The following ZNF333 variants were observed in gnomAD, a reference collection of about 807,000 sequenced individuals.
ZNF333 encodes zinc finger protein 333.
Under a neutral mutation model 76.1 loss-of-function variants are expected in ZNF333, and 61 were observed. That is an observed-to-expected ratio of 0.80 (90% CI 0.65 to 0.99). ZNF333 has a LOEUF of 0.99. ZNF333 is among the 50% of genes least tolerant of loss of function. The pLI, the probability that ZNF333 is intolerant of heterozygous loss-of-function variation, is 0.00. For synonymous variants in ZNF333, 284 were observed against 305.0 expected (o/e 0.93, Z 0.72); for missense variants, 717 against 822.4 (o/e 0.87, Z 1.57).
chr19:14,692,310 T>C (rs1412200551), intron 1 of ZNF333, among the ~76,000 whole-genome samples: 1 of 152,170 alleles, frequency 6.6e-6, no homozygotes, highest in African/African-American at 2.4e-5. Flanking sequence ...ACAAGGGGTC[T>C]AGCTGTGGAG....
At position 14,699,292 on chromosome 19, in the gene ZNF333, C is replaced by CG; in HGVS notation, c.306+15dup. 4 of 1,612,228 alleles carry CG rather than the reference C, an allele frequency of 2.5e-6. No individual in the cohort carries two copies. The highest frequency in any genetic ancestry group is 3.4e-6 in the Non-Finnish European group (4 of 1,178,560). ...AGGGACATGCAAATGGTAAGATGCA[C>CG]GGGGTTTTCCCCGGCTCCCAGCATG... On this transcript the variant is annotated intron_variant, in intron 5 of 11. Coordinates refer to ENST00000292530, the MANE Select transcript of ZNF333 (RefSeq NM_032433.4).
chr19:14,693,381 TG>T, intron 1 of ZNF333, 69 bp from the exon 2 acceptor site: 1 of 1,274,362 alleles, frequency 7.8e-7, no homozygotes, highest in Non-Finnish European at 1.1e-6. Context: ...ACCACTCTGC[TG>T]GAGATCCCCC....
Position 14,693,461 on chromosome 19 carries a change from G to A in ZNF333, c.-31G>A. On this transcript the variant is annotated 5_prime_UTR_variant, in exon 2 of 12. Transcript: ENST00000292530. ...TCTCCTTTATTGCAGGGAGAACACC[G>A]ACTGAGACCTCAAACCCTGGCTCCA... The A allele has an allele frequency of 6.3e-7, 1 of 1,598,882 alleles. No individual in the cohort carries two copies. The highest frequency in any genetic ancestry group is 1.7e-5 in the Admixed American group (1 of 59,550).
chr19:14,706,117 A>G (rs765542431), intron 6 of ZNF333: 4 of 457,368 alleles, frequency 8.7e-6, no homozygotes, highest in South Asian at 3.1e-5. Context: ...TGCTGCTGCC[A>G]TCCTGCCCAG....
intron 7 of ZNF333, 196 bp from the exon 8 acceptor site, chr19:14,715,186 C>T (rs150073608): frequency 4.8e-4 from 266 of 557,542 alleles, no homozygotes; most frequent in African/African-American, 4.2e-3. Context: ...TGTCTGTGTA[C>T]GTGTGTGCAT....
intron 2 of ZNF333, among the ~76,000 whole-genome samples, chr19:14,694,762 T>G (rs1163392487): frequency 5.9e-5 from 9 of 152,200 alleles, no homozygotes; most frequent in Non-Finnish European, 1.3e-4. Context: ...CATTTCAGCT[T>G]GGTGGCCCAT....
intron 4 of ZNF333, among the ~76,000 whole-genome samples, chr19:14,698,246 C>T (rs775876687): frequency 9.9e-5 from 15 of 151,608 alleles, no homozygotes; most frequent in East Asian, 1.9e-4. Context: ...TGGTGGTGCG[C>T]GCCTGTAATC....
At chr19:14,701,509 G>A in intron 5 of ZNF333, 3 of 913,502 alleles carry the variant, frequency 3.3e-6, no homozygotes, top group Non-Finnish European at 2.6e-6. Context: ...TTGAATGAAG[G>A]AAGGAATGGA....
intron 5 of ZNF333, among the ~76,000 whole-genome samples, chr19:14,703,631 A>T (rs919008898): frequency 6.6e-6 from 1 of 152,210 alleles, no homozygotes; most frequent in Non-Finnish European, 1.5e-5. Context: ...GTCAGCCTGG[A>T]GGCAGAAAGG....
At chr19:14,708,043 T>C (rs1010824948) in intron 7 of ZNF333, 1 of 397,364 alleles carries the variant, frequency 2.5e-6, no homozygotes, top group Non-Finnish European at 4.5e-6. Flanking sequence ...CATCTCGCTC[T>C]GTCACCTGGG....
intron 4 of ZNF333, among the ~76,000 whole-genome samples, chr19:14,696,030 A>T (rs1049490368): frequency 1.1e-4 from 17 of 152,120 alleles, no homozygotes; most frequent in Admixed American, 5.2e-4. Flanking sequence ...AATTAGCCGG[A>T]TGTGATGGTG....
Position 14,705,136 on chromosome 19 carries a change from C to T in ZNF333, c.389C>T (p.Ala130Val). Residue 130 changes from alanine to valine, a missense_variant, in exon 6 of 12, where the codon GCT (alanine) becomes GTT (valine). Transcript: ENST00000292530. ...ETPLTREDRP[A>V]LQEPPWSLGC... ...CCATTGACTCGAGAGGACCGGCCAGCTCTCCAGGAGCCGCCTTGGTCTCTG... is the reference window on the plus strand; with the variant it reads ...CCATTGACTCGAGAGGACCGGCCAGTTCTCCAGGAGCCGCCTTGGTCTCTG... 2 of 1,613,860 alleles carry T rather than the reference C, an allele frequency of 1.2e-6. No homozygotes were observed. Among genetic ancestry groups the T allele is most frequent in the Non-Finnish European group, 1.7e-6 (2 of 1,179,950 alleles).
At chr19:14,707,814 G>A (rs1387761231) in intron 7 of ZNF333, 1 of 349,374 alleles carries the variant, frequency 2.9e-6, no homozygotes, top group African/African-American at 2.1e-5. Flanking sequence ...GCCTCCCAAA[G>A]TGCTGGGATT....
At chr19:14,724,322 C>G (rs1435868396), downstream of ZNF333, among the ~76,000 whole-genome samples, 1 of 152,218 alleles carries the variant, frequency 6.6e-6, no homozygotes, top group Non-Finnish European at 1.5e-5. Flanking sequence ...ATACATTGCT[C>G]TTCCCCACAT....
downstream of ZNF333, among the ~76,000 whole-genome samples, chr19:14,725,778 C>T (rs2042629437): frequency 6.6e-6 from 1 of 152,216 alleles, no homozygotes; most frequent in Admixed American, 6.5e-5. Flanking sequence ...AGCTCCAGCC[C>T]TGTGGCTTTG....
downstream of ZNF333, among the ~76,000 whole-genome samples, chr19:14,725,155 G>A (rs770120473): frequency 4.6e-5 from 7 of 152,132 alleles, no homozygotes; most frequent in Admixed American, 6.5e-5. Context: ...GAATGGGAGC[G>A]AGCAGGCAGG....
intron 7 of ZNF333, among the ~76,000 whole-genome samples, chr19:14,712,284 A>G (rs1454744616): frequency 3.3e-5 from 5 of 151,770 alleles, no homozygotes; most frequent in Non-Finnish European, 7.4e-5. Context: ...CAGTGGTGCA[A>G]TCTTGGCTCA....
chr19:14,719,125 G>C lies in ZNF333; in HGVS notation c.1798G>C (p.Gly600Arg), dbSNP rs1028293478. The change falls in exon 12 of 12, where the codon GGT becomes CGT. Residue 600 changes from glycine to arginine, a missense_variant. By Grantham distance (125) the Gly-to-Arg change is moderately radical. Coordinates refer to ENST00000292530, the MANE Select transcript of ZNF333 (RefSeq NM_032433.4). ...YACQECGRAF[G>R]QSSHLIVHVR... ...ATGCCAGGAATGCGGGCGAGCCTTT[G>C]GTCAGTCTTCACATCTTATTGTACA... 1 of 1,614,194 alleles carries C rather than the reference G, an allele frequency of 6.2e-7. No individual in the cohort carries two copies. Among genetic ancestry groups the C allele is most frequent in the African/African-American group, 1.3e-5 (1 of 75,046 alleles).
intron 4 of ZNF333, among the ~76,000 whole-genome samples, chr19:14,696,275 C>T (rs1973179898): frequency 6.6e-6 from 1 of 152,176 alleles, no homozygotes; most frequent in South Asian, 2.1e-4. Context: ...GTAAACATCA[C>T]CACTACCCAA....
Sources: gnomAD v4.1 joint callset for allele counts (sites outside exome capture counted in the v4.1 genomes callset) on GRCh38, gnomAD v4.1.1 for gene constraint, MANE v1.5 for transcripts, NCBI Gene and HGNC (gene_info 2026-07-23, HGNC 2026-07-21) for gene names.